The following ARHGAP22 variants were observed in gnomAD, a reference collection of about 807,000 sequenced individuals.
The protein encoded by ARHGAP22 is Rho GTPase activating protein 22, also known as rho GTPase-activating protein 22.
A neutral mutation model predicts 59.1 loss-of-function variants in ARHGAP22; 48 were observed. That is an observed-to-expected ratio of 0.81 (90% CI 0.64 to 1.03). ARHGAP22 has a LOEUF of 1.03. Among genes scored for constraint, ARHGAP22 ranks in the 50% least tolerant of loss-of-function variants. The probability of loss-of-function intolerance (pLI) is 0.00; values close to 1 mark genes in which losing one functional copy is unlikely to be tolerated. For missense variants in ARHGAP22, 1,015 were observed against 958.7 expected, an observed-to-expected ratio of 1.06 and a Z score of -0.78; for synonymous variants, 445 against 416.4, an observed-to-expected ratio of 1.07 and a Z score of -0.84.
upstream of ARHGAP22, among the ~76,000 whole-genome samples, chr10:48,608,652 C>A (rs1485370782): frequency 1.3e-5 from 2 of 152,210 alleles, no homozygotes; most frequent in East Asian, 3.8e-4. Context: ...AGCTCCCTTG[C>A]ATGTCACTCA....
intron 2 of ARHGAP22, among the ~76,000 whole-genome samples, chr10:48,558,086 T>A (rs987320523): frequency 6.6e-6 from 1 of 151,984 alleles, no homozygotes; most frequent in Non-Finnish European, 1.5e-5. Context: ...GGATTTGGAG[T>A]GTTTGCTAAC....
intron 4 of ARHGAP22, among the ~76,000 whole-genome samples, chr10:48,463,498 C>G (rs140577231): frequency 6.6e-6 from 1 of 152,162 alleles, no homozygotes; most frequent in Non-Finnish European, 1.5e-5. Flanking sequence ...TGGTGCCTGC[C>G]GCCTGCCTCC....
chr10:48,542,206 G>A (rs1389470434), intron 3 of ARHGAP22, among the ~76,000 whole-genome samples: 2 of 152,118 alleles, frequency 1.3e-5, no homozygotes, highest in African/African-American at 2.4e-5. Context: ...AGGAATGTTC[G>A]AAGGTTGTAC....
intron 9 of ARHGAP22, among the ~76,000 whole-genome samples, chr10:48,447,994 C>T (rs1230185094): frequency 6.6e-6 from 1 of 152,024 alleles, no homozygotes; most frequent in Non-Finnish European, 1.5e-5. Flanking sequence ...TAGACCCCCA[C>T]ACCTCCTAAC....
At chr10:48,614,286 G>C (rs181377188) in intron 1 of ARHGAP22, among the ~76,000 whole-genome samples, 9 of 152,214 alleles carry the variant, frequency 5.9e-5, no homozygotes, top group African/African-American at 1.9e-4. Flanking sequence ...AGACAGTTGA[G>C]AAGAGGACAG....
At chr10:48,493,506 G>T in intron 3 of ARHGAP22, 1 of 1,535,490 alleles carries the variant, frequency 6.5e-7, no homozygotes, top group Non-Finnish European at 8.7e-7. Flanking sequence ...GGAGCAGCGG[G>T]GGCTGCAGTG....
At chr10:48,655,112 C>CTCTTCTCTTTTCTTTTCTTT (rs1554968197), upstream of ARHGAP22, among the ~76,000 whole-genome samples, 4 of 33,720 alleles carry the variant, frequency 1.2e-4, no homozygotes, top group African/African-American at 3.5e-4. Context: ...CTCTTCTCTT[C>CTCTTCTCTTTTCTTTTCTTT]TCTTTCCTCT....
intron 4 of ARHGAP22, among the ~76,000 whole-genome samples, chr10:48,466,228 C>G (rs895052966): frequency 6.6e-6 from 1 of 150,552 alleles, no homozygotes; most frequent in Non-Finnish European, 1.5e-5. Context: ...TGTGTCCCCT[C>G]CGTAGTTCGG....
intron 1 of ARHGAP22, among the ~76,000 whole-genome samples, chr10:48,590,559 C>A (rs115591542): frequency 0.028 from 4,333 of 152,248 alleles, 191 homozygotes; most frequent in African/African-American, 0.098. Context: ...CTCATTCTGA[C>A]AACGTCCCCA....
At chr10:48,566,543 T>C (rs1183512301) in intron 2 of ARHGAP22, among the ~76,000 whole-genome samples, 2 of 152,236 alleles carry the variant, frequency 1.3e-5, no homozygotes, top group Admixed American at 1.3e-4. Flanking sequence ...GTCCAGCTTC[T>C]TTCCTTGCTG....
intron 3 of ARHGAP22, among the ~76,000 whole-genome samples, chr10:48,500,890 CAAAA>C (rs60056604): frequency 1.0e-3 from 89 of 86,622 alleles, no homozygotes; most frequent in African/African-American, 2.5e-3. Context: ...GACTCCGCCT[CAAAA>C]AAAAAAAAAA....
intron 7 of ARHGAP22, 100 bp downstream of exon 7, chr10:48,453,988 G>C (rs930598282): frequency 1.6e-6 from 2 of 1,264,550 alleles, no homozygotes; most frequent in African/African-American, 2.9e-5. Flanking sequence ...AATGACCCGG[G>C]CCCCCCTCTG....
At chr10:48,537,874 G>A (rs759416293) in intron 3 of ARHGAP22, among the ~76,000 whole-genome samples, 23 of 152,192 alleles carry the variant, frequency 1.5e-4, no homozygotes, top group Non-Finnish European at 2.2e-4. Context: ...TGGGAGACCC[G>A]CCAGGAGTGG....
chr10:48,545,907 A>T (rs1590082500), intron 3 of ARHGAP22, among the ~76,000 whole-genome samples: 2 of 152,210 alleles, frequency 1.3e-5, no homozygotes, highest in South Asian at 2.1e-4. Context: ...TCAAGCAGAC[A>T]CGTCGGAGGT....
chr10:48,541,377 C>A (rs578082153), intron 3 of ARHGAP22, among the ~76,000 whole-genome samples: 9 of 152,204 alleles, frequency 5.9e-5, no homozygotes, highest in Non-Finnish European at 1.2e-4. Context: ...CCTCCTCCTG[C>A]GCATCACCCC....
the ARHGAP22 span, among the ~76,000 whole-genome samples, chr10:48,432,835 CTT>C: frequency 6.6e-6 from 1 of 152,152 alleles, no homozygotes; most frequent in South Asian, 2.1e-4. Flanking sequence ...GGTTTCTAGA[CTT>C]TTTCTGGATC....
At chr10:48,489,787 G>A (rs2050197590) in intron 3 of ARHGAP22, among the ~76,000 whole-genome samples, 2 of 145,346 alleles carry the variant, frequency 1.4e-5, no homozygotes, top group Admixed American at 7.0e-5. Flanking sequence ...AGGCTGGAGT[G>A]CAGTGGTGCA....
intron 3 of ARHGAP22, among the ~76,000 whole-genome samples, chr10:48,504,416 G>A (rs1012998525): frequency 3.3e-5 from 5 of 152,190 alleles, no homozygotes; most frequent in African/African-American, 1.2e-4. Context: ...CAAGGCCCCC[G>A]CTCTCCTGGA....
At chr10:48,610,514 T>A (rs962603280) in intron 1 of ARHGAP22, among the ~76,000 whole-genome samples, 8 of 152,158 alleles carry the variant, frequency 5.3e-5, no homozygotes, top group Non-Finnish European at 1.0e-4. Context: ...GTTGTAGCAC[T>A]TGTCACACAT....
Sources: gnomAD v4.1 joint callset for allele counts (sites outside exome capture counted in the v4.1 genomes callset) on GRCh38, gnomAD v4.1.1 for gene constraint, MANE v1.5 for transcripts, NCBI Gene and HGNC (gene_info 2026-07-23, HGNC 2026-07-21) for gene names.